TBK1: variants seen among roughly 807,000 people sequenced by gnomAD.
The protein encoded by TBK1 is serine/threonine-protein kinase TBK1.
A neutral mutation model predicts 99.9 loss-of-function variants in TBK1; 37 were observed. The observed-to-expected ratio is 0.37, with a 90% CI of 0.28 to 0.49. The LOEUF (loss-of-function observed/expected upper bound fraction) is 0.49, where lower values mean the gene tolerates loss of function less well. Ranked by LOEUF, TBK1 falls within the 20% of genes least tolerant of loss-of-function variation. The probability of loss-of-function intolerance (pLI) is 0.98; values close to 1 mark genes in which losing one functional copy is unlikely to be tolerated. For synonymous variants in TBK1, 258 were observed against 279.8 expected (o/e 0.92, Z 0.78); for missense variants, 644 against 872.5 (o/e 0.74, Z 3.30).
At chr12:64,484,897 A>G (rs574099589) in intron 9 of TBK1, among the ~76,000 whole-genome samples, 2 of 152,340 alleles carry the variant, frequency 1.3e-5, no homozygotes, top group African/African-American at 4.8e-5. Context: ...AAAATTGAAA[A>G]AGCCTTGTAG....
Position 64,464,481 on chromosome 12 carries a change from T to C in TBK1, c.358+18T>C, listed in dbSNP as rs1555202727. ...AGATGTGGGTATGTTTGTTTATTTA[T>C]ATGATATCATTTGTATATAAAATTT... On this transcript the variant is annotated intron_variant, in intron 4 of 20. Transcript: ENST00000331710. The C allele has an allele frequency of 2.0e-6, 3 of 1,531,828 alleles. No individual in the cohort carries two copies. The highest frequency in any genetic ancestry group is 2.5e-5 in the South Asian group (2 of 78,502). The allele number at this position is 1,531,828 out of a possible 1,614,324, so 94.9% of individuals were successfully genotyped here. A position where few individuals can be genotyped will look rare whatever the true frequency, so the allele number is the denominator to read the frequency against.
At chr12:64,477,296 C>T (rs1385701569) in intron 6 of TBK1, among the ~76,000 whole-genome samples, 4 of 152,170 alleles carry the variant, frequency 2.6e-5, no homozygotes, top group African/African-American at 9.7e-5. Flanking sequence ...CCAACCCATG[C>T]GCATGGAATG....
At chr12:64,486,411 A>C (rs1481164690) in intron 11 of TBK1, among the ~76,000 whole-genome samples, 1 of 151,758 alleles carries the variant, frequency 6.6e-6, no homozygotes, top group African/African-American at 2.4e-5. Flanking sequence ...CAAATGAAGT[A>C]CACAGTCCTT....
In TBK1 at chr12:64,464,356, T is replaced by G; in HGVS notation, c.251T>G (p.Leu84Arg). The G allele has an allele frequency of 6.3e-7, 1 of 1,599,262 alleles. No individual in the cohort carries two copies. Among genetic ancestry groups the G allele is most frequent in the Non-Finnish European group, 8.5e-7 (1 of 1,174,264 alleles). ...CAGACAACAACAAGACATAAAGTAC[T>G]TATTATGGAATTTTGTCCATGTGGG... ...EEETTTRHKVLIMEFCPCGSL... is the reference protein window; with the variant it reads ...EEETTTRHKVRIMEFCPCGSL... The change falls in exon 4 of 21, where the codon CTT (leucine) becomes CGT (arginine). Residue 84 changes from leucine to arginine, a missense_variant. Physicochemically the swap from Leu to Arg is moderately radical, Grantham distance 102 (BLOSUM62 -2). Around this residue, in one of 3 missense-constraint regions of TBK1, gnomAD observed 148 missense variants for 202.1 expected, o/e 0.73. Coordinates refer to ENST00000331710, the MANE Select transcript of TBK1 (RefSeq NM_013254.4).
At chr12:64,497,335 G>A (rs964332877) in intron 18 of TBK1, 76 bp downstream of exon 18, 11 of 1,091,938 alleles carry the variant, frequency 1.0e-5, no homozygotes, top group Non-Finnish European at 1.4e-5. Context: ...GGAGAAATGG[G>A]ATAGAATGTG....
At chr12:64,480,245 A>G (rs2040756018) in intron 7 of TBK1, 123 bp downstream of exon 7, 2 of 601,086 alleles carry the variant, frequency 3.3e-6, no homozygotes, top group African/African-American at 3.8e-5. Context: ...GATATTGTCA[A>G]AGCATGTGCT....
At chr12:64,454,494 G>A (rs2040463103) in intron 1 of TBK1, among the ~76,000 whole-genome samples, 1 of 151,982 alleles carries the variant, frequency 6.6e-6, no homozygotes, top group Non-Finnish European at 1.5e-5. Context: ...TGATCCGCCC[G>A]CCTCGGCCTC....
At chr12:64,480,942 A>G (rs1189249662) in intron 7 of TBK1, among the ~76,000 whole-genome samples, 3 of 152,186 alleles carry the variant, frequency 2.0e-5, no homozygotes, top group African/African-American at 7.2e-5. Context: ...AATATCACTT[A>G]TCATTTTATA....
At position 64,462,293 on chromosome 12, in the gene TBK1, A is replaced by G. The variant is rs193081703; in HGVS notation, c.228+1964A>G. ...TTGGGTAAAGTTAATTTTTTACCAC[A>G]CAATAGTTAAGTGGTAATGAAAAGA... On this transcript the variant is annotated intron_variant, in intron 3 of 20. Coordinates refer to ENST00000331710, the MANE Select transcript of TBK1 (RefSeq NM_013254.4). Among the ~76,000 whole-genome samples the G allele has an allele frequency of 1.6e-4, 25 of 152,354 alleles. No individual in the cohort carries two copies. In the East Asian group the frequency reaches 4.8e-3, roughly 29 times the overall value.
rs1333645527 is a variant in TBK1 at position 64,501,429 on chromosome 12, A to C, written c.*48A>C. The C allele has an allele frequency of 2.5e-6, 4 of 1,584,408 alleles. No individual in the cohort carries two copies. Among genetic ancestry groups the C allele is most frequent in the Non-Finnish European group, 3.5e-6 (4 of 1,158,252 alleles). ...AAGTTTCCGTTTGCACAAGAAAATA[A>C]CGCTTGGGCATTAAATGAATGCCTT... On this transcript the variant is annotated 3_prime_UTR_variant, in exon 21 of 21. Coordinates refer to ENST00000331710, the MANE Select transcript of TBK1 (RefSeq NM_013254.4).
chr12:64,477,027 G>C (rs984817208), intron 6 of TBK1, among the ~76,000 whole-genome samples: 4 of 152,076 alleles, frequency 2.6e-5, no homozygotes, highest in African/African-American at 9.7e-5. Context: ...ATCAGTCTGT[G>C]TATCTGTTTT....
intron 8 of TBK1, among the ~76,000 whole-genome samples, chr12:64,482,891 A>G (rs1439638276): frequency 6.6e-6 from 1 of 152,246 alleles, no homozygotes; most frequent in African/African-American, 2.4e-5. Context: ...GACTGTACAC[A>G]TACATATACT....
chr12:64,482,086 A>G, intron 8 of TBK1, 65 bp downstream of exon 8: 1 of 1,159,250 alleles, frequency 8.6e-7, no homozygotes, highest in South Asian at 3.2e-5. Context: ...CTAAGTTAGG[A>G]AAAGAAATAG....
At chr12:64,456,549 A>G (rs1479044597) in intron 2 of TBK1, among the ~76,000 whole-genome samples, 2 of 152,138 alleles carry the variant, frequency 1.3e-5, no homozygotes, top group African/African-American at 2.4e-5. Context: ...CACTTCAAGA[A>G]CCAAAAAGGG....
intron 1 of TBK1, among the ~76,000 whole-genome samples, chr12:64,455,485 C>G (rs1565810292): frequency 6.6e-6 from 1 of 152,056 alleles, no homozygotes; most frequent in Admixed American, 6.5e-5. Context: ...GAATTTTAGA[C>G]GAATGAAAAC....
intron 3 of TBK1, among the ~76,000 whole-genome samples, chr12:64,460,926 CA>C: frequency 1.4e-5 from 2 of 147,608 alleles, no homozygotes; most frequent in Middle Eastern, 7.1e-3. Context: ...GTAAAAAATA[CA>C]AAAATTTGCC....
intron 3 of TBK1, among the ~76,000 whole-genome samples, chr12:64,462,859 A>G (rs1411068793): frequency 6.6e-6 from 1 of 152,204 alleles, no homozygotes; most frequent in East Asian, 1.9e-4. Flanking sequence ...ATGAAGCATT[A>G]TAATCAATGG....
intron 6 of TBK1, among the ~76,000 whole-genome samples, chr12:64,475,538 T>C (rs1292880880): frequency 2.0e-5 from 3 of 152,222 alleles, no homozygotes; most frequent in African/African-American, 7.2e-5. Flanking sequence ...CGAGACAATA[T>C]GATGGGCTCC....
intron 13 of TBK1, among the ~76,000 whole-genome samples, chr12:64,494,581 T>C (rs1592375388): frequency 1.3e-5 from 2 of 152,316 alleles, no homozygotes; most frequent in South Asian, 2.1e-4. Context: ...AAATAACTCA[T>C]ACAAATTGAT....
Sources: gnomAD v4.1 joint callset for allele counts (sites outside exome capture counted in the v4.1 genomes callset) on GRCh38, gnomAD v4.1.1 for gene constraint, gnomAD v4.1.1 regional missense constraint, MANE v1.5 for transcripts, NCBI Gene and HGNC (gene_info 2026-07-23, HGNC 2026-07-21) for gene names.